IL1RAPL1: variants seen among roughly 807,000 people sequenced by gnomAD.
IL1RAPL1 encodes interleukin 1 receptor accessory protein like 1, also known as interleukin-1 receptor accessory protein-like 1.
A neutral mutation model predicts 48.4 loss-of-function variants in IL1RAPL1; 3 were observed. That is an observed-to-expected ratio of 0.06 (90% CI 0.03 to 0.16). The LOEUF is 0.16. Ranked by LOEUF, IL1RAPL1 falls within the 10% of genes least tolerant of loss-of-function variation. IL1RAPL1 has a pLI of 1.00. For missense variants in IL1RAPL1, 349 were observed against 530.6 expected (o/e 0.66, Z 3.36); for synonymous variants, 185 against 187.7 (o/e 0.99, Z 0.12).
At chrX:29,030,870 G>A (rs1251532563) in intron 2 of IL1RAPL1, among the ~76,000 whole-genome samples, 1 of 111,900 alleles carries the variant, frequency 8.9e-6, no homozygotes, top group African/African-American at 3.2e-5. Context: ...GTGGGATTCA[G>A]TTCCTTCTGG....
intron 1 of IL1RAPL1, among the ~76,000 whole-genome samples, chrX:28,726,946 AGTAAT>A (rs1173004669): frequency 8.9e-6 from 1 of 112,219 alleles, no homozygotes; most frequent in Non-Finnish European, 1.9e-5. Flanking sequence ...TGAACATAGT[AGTAAT>A]GTAATCAGAA....
At chrX:29,484,620 A>G (rs1237442726) in intron 5 of IL1RAPL1, among the ~76,000 whole-genome samples, 1 of 111,706 alleles carries the variant, frequency 9.0e-6, no homozygotes, top group Non-Finnish European at 1.9e-5. Context: ...GTGTTCCAGG[A>G]AGAAACTGGT....
intron 6 of IL1RAPL1, among the ~76,000 whole-genome samples, chrX:29,889,767 G>A (rs776291253): frequency 4.5e-5 from 5 of 111,352 alleles, no homozygotes; most frequent in African/African-American, 1.6e-4. Flanking sequence ...AGAAAAAACT[G>A]TTTCCATGGT....
intron 2 of IL1RAPL1, among the ~76,000 whole-genome samples, chrX:29,277,885 C>T (rs2147596832): frequency 9.0e-6 from 1 of 111,418 alleles, no homozygotes; most frequent in African/African-American, 3.3e-5. Context: ...TTTATATTTT[C>T]CTTGGGGATG....
chrX:29,422,531 T>TA (rs1181864448), intron 5 of IL1RAPL1, among the ~76,000 whole-genome samples: 1 of 112,140 alleles, frequency 8.9e-6, no homozygotes, highest in African/African-American at 3.2e-5. Flanking sequence ...CCAAATGGTA[T>TA]ATCTCTTCAT....
chrX:29,691,502 G>A (rs1374585765), intron 6 of IL1RAPL1, among the ~76,000 whole-genome samples: 2 of 110,866 alleles, frequency 1.8e-5, no homozygotes, highest in Admixed American at 1.9e-4. Flanking sequence ...AATAAGTAAC[G>A]GGACCATAAT....
chrX:29,850,315 C>T (rs1931337614), intron 6 of IL1RAPL1, among the ~76,000 whole-genome samples: 1 of 111,925 alleles, frequency 8.9e-6, no homozygotes, highest in East Asian at 2.8e-4. Flanking sequence ...CATGACCCTG[C>T]TCCTTCAGAT....
At chrX:29,170,430 T>A (rs1247011254) in intron 2 of IL1RAPL1, among the ~76,000 whole-genome samples, 1 of 111,752 alleles carries the variant, frequency 8.9e-6, no homozygotes, top group East Asian at 2.8e-4. Flanking sequence ...TGACAAAAAC[T>A]ATATATGAAG....
intron 5 of IL1RAPL1, among the ~76,000 whole-genome samples, chrX:29,611,111 G>T (rs1924078314): frequency 1.8e-5 from 2 of 112,162 alleles, no homozygotes; most frequent in African/African-American, 3.2e-5. Context: ...AGTCTCTTGT[G>T]GGAAAAATCC....
chrX:29,183,611 C>T (rs1272630327), intron 2 of IL1RAPL1, among the ~76,000 whole-genome samples: 1 of 111,487 alleles, frequency 9.0e-6, no homozygotes, highest in Non-Finnish European at 1.9e-5. Context: ...TATTTTCTTG[C>T]CTCTGGCTCT....
At chrX:29,491,483 G>A (rs1318671939) in intron 5 of IL1RAPL1, among the ~76,000 whole-genome samples, 1 of 112,005 alleles carries the variant, frequency 8.9e-6, no homozygotes, top group East Asian at 2.8e-4. Context: ...GCTCATTGAT[G>A]AATGCAAATA....
intron 2 of IL1RAPL1, among the ~76,000 whole-genome samples, chrX:28,903,339 C>T (rs751951691): frequency 1.4e-4 from 16 of 110,704 alleles, no homozygotes; most frequent in African/African-American, 3.6e-4. Flanking sequence ...AGGCTGGTCT[C>T]GAACTACTAC....
chrX:29,856,267 G>A (rs921670263), intron 6 of IL1RAPL1, among the ~76,000 whole-genome samples: 54 of 111,343 alleles, frequency 4.8e-4, no homozygotes, highest in African/African-American at 1.7e-3. Flanking sequence ...TGGGTCTTGA[G>A]GTAAAGCCTG....
chrX:29,290,557 A>T (rs1932354768), intron 3 of IL1RAPL1, among the ~76,000 whole-genome samples: 1 of 112,430 alleles, frequency 8.9e-6, no homozygotes, highest in African/African-American at 3.2e-5. Flanking sequence ...CTTCAAAAAC[A>T]ATTGTTTCTT....
chrX:29,760,353 T>C, intron 6 of IL1RAPL1, among the ~76,000 whole-genome samples: 1 of 111,841 alleles, frequency 8.9e-6, no homozygotes, highest in Non-Finnish European at 1.9e-5. Context: ...GATATCGTAG[T>C]ATGGTTTTGC....
chrX:28,857,123 G>T (rs1227015296), intron 2 of IL1RAPL1, among the ~76,000 whole-genome samples: 2 of 112,105 alleles, frequency 1.8e-5, no homozygotes, highest in Non-Finnish European at 3.8e-5. Flanking sequence ...ATTCCCTTAC[G>T]CCAAAGCCTA....
At chrX:29,180,083 ATCTC>A (rs772715302) in intron 2 of IL1RAPL1, among the ~76,000 whole-genome samples, 4,654 of 108,468 alleles carry the variant, frequency 0.043, 91 homozygotes, top group Middle Eastern at 0.079. Flanking sequence ...CAACAAATCA[ATCTC>A]TCTCTCTCTC....
At chrX:29,751,660 G>A (rs1381774690) in intron 6 of IL1RAPL1, among the ~76,000 whole-genome samples, 2 of 111,330 alleles carry the variant, frequency 1.8e-5, no homozygotes. Context: ...GCTGGGTGTG[G>A]TGGCCCAAAC....
intron 6 of IL1RAPL1, among the ~76,000 whole-genome samples, chrX:29,802,396 T>A (rs761382455): frequency 9.0e-6 from 1 of 110,928 alleles, no homozygotes; most frequent in African/African-American, 3.3e-5. Flanking sequence ...CAGACCAGGT[T>A]TTTAAAAATT....
Sources: gnomAD v4.1 joint callset for allele counts (sites outside exome capture counted in the v4.1 genomes callset) on GRCh38, gnomAD v4.1.1 for gene constraint, MANE v1.5 for transcripts, NCBI Gene and HGNC (gene_info 2026-07-23, HGNC 2026-07-21) for gene names.